Variants in BPTF observed in about 807,000 individuals in gnomAD.
The protein encoded by BPTF is bromodomain PHD finger transcription factor.
In BPTF, 18 loss-of-function variants were observed where a neutral mutation model predicts 292.5. That is an observed-to-expected ratio of 0.06 (90% CI 0.04 to 0.09). The LOEUF (loss-of-function observed/expected upper bound fraction) is 0.09, where lower values mean the gene tolerates loss of function less well. Among genes scored for constraint, BPTF ranks in the 10% least tolerant of loss-of-function variants. The pLI, the probability that BPTF is intolerant of heterozygous loss-of-function variation, is 1.00. For missense variants in BPTF, 2,726 were observed against 3,498.7 expected (o/e 0.78, Z 5.57); for synonymous variants, 1,225 against 1,251.9 (o/e 0.98, Z 0.45).
At position 67,897,172 on chromosome 17, in the gene BPTF, A is replaced by C. The variant is rs922932545; in HGVS notation, c.2543+3007A>C. On this transcript the variant is annotated intron_variant, in intron 7 of 27. Coordinates refer to ENST00000306378, the MANE Select transcript of BPTF (RefSeq NM_182641.4). ...AGAAACCCTTTCTCTACTTAAAAAA[A>C]ACAAAAACAAAAAACGAAATTAACC... Among the ~76,000 whole-genome samples, 202 of 141,400 alleles carry C rather than the reference A, an allele frequency of 1.4e-3. 3 individuals carry two copies. In the Admixed American group the frequency reaches 0.015, roughly 10 times the overall value. 92.8% of individuals were successfully genotyped at this position (141,400 alleles called of 152,430 possible).
rs35827193 is a variant in BPTF, at chr17:67,909,279, C to CT, written c.2813-292dup. On this transcript the variant is annotated intron_variant, in intron 9 of 27. Coordinates refer to ENST00000306378, the MANE Select transcript of BPTF (RefSeq NM_182641.4). Reference sequence around the variant, plus strand: ...GCCACCGCACCAGGTCCCCCCCCCCCTTTTTTTTTTTATCCTGCAGTGTTT... The same window carrying CT: ...GCCACCGCACCAGGTCCCCCCCCCCCTTTTTTTTTTTTATCCTGCAGTGTTT... Among the ~76,000 whole-genome samples, 549 of 91,410 alleles carry CT rather than the reference C, an allele frequency of 6.0e-3. 4 individuals carry two copies. Among genetic ancestry groups the CT allele is most frequent in the Non-Finnish European group, 8.8e-3 (457 of 51,718 alleles). The allele number at this position is 91,410 out of a possible 152,430, so 60.0% of individuals were successfully genotyped here. A position where few individuals can be genotyped will look rare whatever the true frequency, so the allele number is the denominator to read the frequency against.
Position 67,911,376 on chromosome 17 carries a change from T to A in BPTF, c.3492T>A (p.Asp1164Glu). 1 of 1,614,070 alleles carries A rather than the reference T, an allele frequency of 6.2e-7. No homozygotes were observed. Among genetic ancestry groups the A allele is most frequent in the Non-Finnish European group, 8.5e-7 (1 of 1,180,010 alleles). Reference protein sequence around the residue: ...SHTTNKLYPKDRVLDDVSIRS... With the variant: ...SHTTNKLYPKERVLDDVSIRS... The stretch of plus-strand genomic sequence containing the variant: ...CCACAAACAAACTTTATCCAAAAGA[T>A]CGAGTGTTAGATGATGTCTCCATTC... The change falls in exon 11 of 28, where the codon GAT (aspartate) becomes GAA (glutamate). Residue 1164 changes from aspartate to glutamate, a missense_variant. Asp to Glu is a conservative substitution (Grantham distance 45, BLOSUM62 2). Around this residue, in one of 22 missense-constraint regions of BPTF, gnomAD observed 713 missense variants for 714.9 expected, o/e 1.00. Coordinates refer to ENST00000306378, the MANE Select transcript of BPTF (RefSeq NM_182641.4).
intron 27 of BPTF, among the ~76,000 whole-genome samples, chr17:67,979,169 C>CA (rs11376410): frequency 0.84 from 61,071 of 72,652 alleles, 26,030 homozygotes; most frequent in Middle Eastern, 0.93. Flanking sequence ...GACCCTGTCT[C>CA]AAAAAAAAAA....
chr17:67,874,525 A>G (rs1178607638), intron 3 of BPTF, among the ~76,000 whole-genome samples: 1 of 152,142 alleles, frequency 6.6e-6, no homozygotes, highest in East Asian at 1.9e-4. Flanking sequence ...TCCGTGACAG[A>G]TATCTATATC....
chr17:67,881,882 T>TGAGACAGGG (rs2060446509), intron 4 of BPTF, among the ~76,000 whole-genome samples: 1 of 139,898 alleles, frequency 7.1e-6, no homozygotes, highest in African/African-American at 2.8e-5. Flanking sequence ...TTTTTTTTTT[T>TGAGACAGGG]TTGAGACAGG....
At chr17:67,852,691 A>C (rs1425283349) in intron 1 of BPTF, among the ~76,000 whole-genome samples, 1 of 152,370 alleles carries the variant, frequency 6.6e-6, no homozygotes, top group South Asian at 2.1e-4. Flanking sequence ...TTTGTAAACT[A>C]TATTGAATTA....
chr17:67,963,062 T>C (rs2067673174), intron 24 of BPTF, among the ~76,000 whole-genome samples: 1 of 152,188 alleles, frequency 6.6e-6, no homozygotes, highest in Non-Finnish European at 1.5e-5. Flanking sequence ...TTGTTTCTTT[T>C]TTCAAATTCC....
chr17:67,940,770 T>G (rs782556573), intron 19 of BPTF, 114 bp downstream of exon 19: 1 of 1,211,754 alleles, frequency 8.3e-7, no homozygotes, highest in Non-Finnish European at 1.2e-6. Context: ...TTTGAAGAAA[T>G]GGTTGCTTCC....
In BPTF at chr17:67,912,455, A is replaced by G; in HGVS notation, c.4571A>G (p.Glu1524Gly). Residue 1524 changes from glutamate (E) to glycine (G), a missense_variant, in exon 11 of 28, where the codon GAA becomes GGA. Around this residue, in one of 22 missense-constraint regions of BPTF, gnomAD observed 713 missense variants for 714.9 expected, o/e 1.00. Coordinates refer to ENST00000306378, the MANE Select transcript of BPTF (RefSeq NM_182641.4). ...ACCACACCCTCAGCATCTTGTCCAGAAAGCAATTCAGTTAATCAGGTAGAA... is the reference window on the plus strand; with the variant it reads ...ACCACACCCTCAGCATCTTGTCCAGGAAGCAATTCAGTTAATCAGGTAGAA... ...QTTTPSASCPESNSVNQVEDM... is the reference protein window; with the variant it reads ...QTTTPSASCPGSNSVNQVEDM... 6.2e-7 allele frequency: 1 copy of G among 1,613,860 alleles called. No individual in the cohort carries two copies.
At chr17:67,960,439 C>T (rs1555683491) in intron 24 of BPTF, 6 of 152,118 alleles carry the variant, frequency 3.9e-5, no homozygotes. Flanking sequence ...AAAAAGTGTT[C>T]CTTTCCCCCA....
At chr17:67,841,397 G>GA (rs2057546013) in intron 1 of BPTF, among the ~76,000 whole-genome samples, 1 of 151,898 alleles carries the variant, frequency 6.6e-6, no homozygotes, top group Admixed American at 6.6e-5. Flanking sequence ...CAACAAGAGC[G>GA]AAAATCTGTC....
chr17:67,835,810 C>T (rs561443900), intron 1 of BPTF, among the ~76,000 whole-genome samples: 78 of 152,178 alleles, frequency 5.1e-4, no homozygotes, highest in Admixed American at 8.5e-4. Flanking sequence ...GGACTACAGG[C>T]ACCTGCCACC....
At chr17:67,907,912 G>C (rs1280438664) in intron 9 of BPTF, among the ~76,000 whole-genome samples, 1 of 152,062 alleles carries the variant, frequency 6.6e-6, no homozygotes, top group African/African-American at 2.4e-5. Context: ...AGTAAACAAG[G>C]CCACAGATTG....
Position 67,874,995 on chromosome 17 carries a change from TGAC to T in BPTF, c.1840_1842del (p.Asp614del), listed in dbSNP as rs763890293. 2 of 1,613,288 alleles carry T rather than the reference TGAC, an allele frequency of 1.2e-6. No homozygotes were observed. Among genetic ancestry groups the T allele is most frequent in the South Asian group, 2.2e-5 (2 of 90,878 alleles). On this transcript the variant is annotated inframe_deletion, in exon 4 of 28. Transcript: ENST00000306378. ...ACAGTGACGACAAAACACCAGATGA[TGAC>T]CCTGAGCAAGGAAAATCTGAGGGTA...
At chr17:67,929,894 T>A (rs1451407465) in intron 17 of BPTF, among the ~76,000 whole-genome samples, 1 of 152,018 alleles carries the variant, frequency 6.6e-6, no homozygotes, top group Non-Finnish European at 1.5e-5. Flanking sequence ...GGCGGGTGGA[T>A]CACTTGAGCT....
At chr17:67,852,878 G>A (rs4791048) in intron 1 of BPTF, among the ~76,000 whole-genome samples, 51,989 of 152,160 alleles carry the variant, frequency 0.34, 11,248 homozygotes, top group East Asian at 0.67. Context: ...GCTCACGCCT[G>A]TAATCCTGGC....
chr17:67,961,754 A>G (rs1296747504), intron 24 of BPTF, among the ~76,000 whole-genome samples: 2 of 152,100 alleles, frequency 1.3e-5, no homozygotes, highest in Non-Finnish European at 2.9e-5. Flanking sequence ...TGGACGGATC[A>G]CCTGAGGTCA....
chr17:67,826,138 G>A lies in BPTF; in HGVS notation c.414G>A (p.Glu138=). 6.8e-7 allele frequency: 1 copy of A among 1,467,394 alleles called. No individual in the cohort carries two copies. Among genetic ancestry groups the A allele is most frequent in the South Asian group, 1.1e-5 (1 of 87,812 alleles). 90.9% of individuals were successfully genotyped at this position (1,467,394 alleles called of 1,614,324 possible). A position where few individuals can be genotyped will look rare whatever the true frequency, so the allele number is the denominator to read the frequency against. The change falls in exon 1 of 28, where the codon GAG becomes GAA. Residue 138 remains glutamate, a synonymous_variant. Coordinates refer to ENST00000306378, the MANE Select transcript of BPTF (RefSeq NM_182641.4). ...AGAGCGAGGAGGAGGAGGAAGAGGAGGACATGGTCTCCGAGGAGGAGGAGG... is the reference window on the plus strand; with the variant it reads ...AGAGCGAGGAGGAGGAGGAAGAGGAAGACATGGTCTCCGAGGAGGAGGAGG... The part of the protein sequence containing the change: ...DHESEEEEEE[E]DMVSEEEEEE...
intron 4 of BPTF, 116 bp downstream of exon 4, chr17:67,875,136 C>G: frequency 2.3e-6 from 2 of 862,834 alleles, no homozygotes; most frequent in Non-Finnish European, 3.6e-6. Context: ...TTTAATATTT[C>G]TAAAGAGATC....
Sources: allele counts gnomAD v4.1 joint callset (sites outside exome capture counted in the v4.1 genomes callset), GRCh38; gene constraint gnomAD v4.1.1; regional missense constraint gnomAD v4.1.1; transcripts MANE v1.5; gene names NCBI Gene and HGNC (gene_info 2026-07-23, HGNC 2026-07-21).